Variants in AGMO observed in about 807,000 individuals in gnomAD.
AGMO encodes alkylglycerol monooxygenase.
Under a neutral mutation model 60.2 loss-of-function variants are expected in AGMO, and 75 were observed. The ratio of observed to expected loss-of-function variants is 1.25; its 90% CI spans 1.03 to 1.51. The LOEUF is 1.51. AGMO is among the 40% of genes most tolerant of loss of function. AGMO has a pLI of 0.00. For missense variants in AGMO, 763 were observed against 525.5 expected (o/e 1.45, Z -4.42); for synonymous variants, 261 against 177.1 (o/e 1.47, Z -3.76).
chr7:15,325,841 A>G (rs1277582186), intron 12 of AGMO, among the ~76,000 whole-genome samples: 1 of 152,170 alleles, frequency 6.6e-6, no homozygotes, highest in African/African-American at 2.4e-5. Flanking sequence ...ACATTTTACT[A>G]TAGCAATTTA....
intron 12 of AGMO, among the ~76,000 whole-genome samples, chr7:15,304,355 C>A (rs572942606): frequency 2.1e-4 from 32 of 152,176 alleles, no homozygotes; most frequent in African/African-American, 7.2e-4. Flanking sequence ...GCGTACCCAG[C>A]AAACAGCTGT....
the AGMO span, among the ~76,000 whole-genome samples, chr7:15,160,100 T>C: frequency 6.6e-6 from 1 of 152,172 alleles, no homozygotes; most frequent in South Asian, 2.1e-4. Flanking sequence ...AACATACAGG[T>C]AATCTCATGC....
intron 3 of AGMO, among the ~76,000 whole-genome samples, chr7:15,442,732 T>C (rs143108575): frequency 0.13 from 19,739 of 151,956 alleles, 1,373 homozygotes; most frequent in Non-Finnish European, 0.14. Context: ...CCTGCCTTCA[T>C]GCCCAAATGT....
At chr7:15,216,169 A>G (rs1198169546) in intron 12 of AGMO, among the ~76,000 whole-genome samples, 1 of 152,018 alleles carries the variant, frequency 6.6e-6, no homozygotes, top group Non-Finnish European at 1.5e-5. Context: ...ATCACACTCT[A>G]GTGTATTTAA....
chr7:15,550,023 C>T (rs558240411), intron 2 of AGMO, among the ~76,000 whole-genome samples: 5 of 152,108 alleles, frequency 3.3e-5, no homozygotes, highest in Admixed American at 6.5e-5. Context: ...CACTCAAAAC[C>T]GCTCAACTAC....
At chr7:15,210,649 T>G (rs1563036353) in intron 12 of AGMO, among the ~76,000 whole-genome samples, 1 of 152,104 alleles carries the variant, frequency 6.6e-6, no homozygotes, top group African/African-American at 2.4e-5. Context: ...GGAGTGATAT[T>G]CCTATAACAG....
chr7:15,219,161 T>G (rs1192007018), intron 12 of AGMO, among the ~76,000 whole-genome samples: 1 of 152,176 alleles, frequency 6.6e-6, no homozygotes, highest in Non-Finnish European at 1.5e-5. Flanking sequence ...AGGAAATAAT[T>G]ATTTATAAAA....
At position 15,483,570 on chromosome 7, in the gene AGMO, AAAACAAACAAAC is replaced by A. The variant is rs3076838; in HGVS notation, c.410-52474_410-52463del. ...GGGTGACAGAGCAAGACTCTGTCTC[AAAACAAACAAAC>A]AAACAAACAAACAAACAAAAAACCA... is the stretch of plus-strand genomic sequence containing the variant. On this transcript the variant is annotated intron_variant, in intron 3 of 12. Transcript: ENST00000342526. Among the ~76,000 whole-genome samples the A allele has an allele frequency of 1.0e-3, 154 of 148,888 alleles. 2 individuals carry two copies. Among genetic ancestry groups the A allele is most frequent in the African/African-American group, 3.6e-3 (146 of 41,068 alleles).
rs114496063 is a variant in AGMO, at chr7:15,355,210, A to C, written c.1263+10304T>G. 6.6e-3 allele frequency among the ~76,000 whole-genome samples: 1,008 copies of C among 152,260 alleles called. 11 individuals are homozygous for C. The highest frequency in any genetic ancestry group is 0.022 in the African/African-American group (925 of 41,560). ...ATTAAAACAGTAAATCTTGCTAAAG[A>C]AGCCAATATTGGCTGGGCACGGTGG... is the stretch of plus-strand genomic sequence containing the variant. On this transcript the variant is annotated intron_variant, in intron 12 of 12. Transcript: ENST00000342526.
chr7:15,197,059 T>G (rs1057134670), downstream of AGMO, among the ~76,000 whole-genome samples: 12 of 152,004 alleles, frequency 7.9e-5, no homozygotes, highest in South Asian at 2.1e-4. Flanking sequence ...TGTTGTTGTT[T>G]TTTTTTTCCA....
downstream of AGMO, among the ~76,000 whole-genome samples, chr7:15,197,578 C>A (rs933231410): frequency 2.6e-5 from 4 of 152,114 alleles, no homozygotes; most frequent in African/African-American, 9.7e-5. Flanking sequence ...AATGGCATAA[C>A]TAATAGAGCT....
intron 5 of AGMO, among the ~76,000 whole-genome samples, chr7:15,408,361 A>AT (rs1784759050): frequency 6.6e-6 from 1 of 151,892 alleles, no homozygotes; most frequent in South Asian, 2.1e-4. Context: ...CAATTGTTGT[A>AT]TGAAAATATA....
chr7:15,355,052 T>C lies in AGMO; in HGVS notation c.1263+10462A>G, dbSNP rs186323652. Among the ~76,000 whole-genome samples the C allele has an allele frequency of 2.7e-3, 413 of 152,170 alleles. 3 individuals carry two copies. Among genetic ancestry groups the C allele is most frequent in the Non-Finnish European group, 3.8e-3 (259 of 68,014 alleles). ...GAGAAGATTCCTGCACTCACTAACATAGTACCATGGACATAGATTTTCCAA... is the reference window on the plus strand; with the variant it reads ...GAGAAGATTCCTGCACTCACTAACACAGTACCATGGACATAGATTTTCCAA... On this transcript the variant is annotated intron_variant, in intron 12 of 12. Coordinates refer to ENST00000342526, the MANE Select transcript of AGMO (RefSeq NM_001004320.2).
chr7:15,285,021 T>A (rs1563069728), intron 12 of AGMO, among the ~76,000 whole-genome samples: 1 of 151,126 alleles, frequency 6.6e-6, no homozygotes, highest in Admixed American at 6.6e-5. Context: ...TTTGATAAAA[T>A]CTAGCATCAC....
chr7:15,496,018 T>C (rs1369113273), intron 3 of AGMO, among the ~76,000 whole-genome samples: 1 of 152,106 alleles, frequency 6.6e-6, no homozygotes, highest in Non-Finnish European at 1.5e-5. Flanking sequence ...CTTCCACACG[T>C]GAATTTTGGG....
the AGMO span, among the ~76,000 whole-genome samples, chr7:15,118,876 A>ATTTTTTTTTTTTTTT: frequency 2.4e-5 from 2 of 81,732 alleles, no homozygotes; most frequent in East Asian, 5.4e-4. Context: ...AGACGTCAGT[A>ATTTTTTTTTTTTTTT]TTTTTTTTTT....
intron 10 of AGMO, among the ~76,000 whole-genome samples, chr7:15,371,461 G>C (rs1783211244): frequency 6.6e-6 from 1 of 151,836 alleles, no homozygotes; most frequent in African/African-American, 2.4e-5. Context: ...CGCCATCTCG[G>C]CTCACTGCAA....
intron 3 of AGMO, among the ~76,000 whole-genome samples, chr7:15,476,331 A>G (rs960243754): frequency 6.6e-6 from 1 of 152,096 alleles, no homozygotes; most frequent in Non-Finnish European, 1.5e-5. Context: ...CATTCTTGAC[A>G]TTTTACTGAA....
chr7:15,329,245 T>C (rs1360981101), intron 12 of AGMO, among the ~76,000 whole-genome samples: 1 of 152,222 alleles, frequency 6.6e-6, no homozygotes, highest in Non-Finnish European at 1.5e-5. Flanking sequence ...TGTTTCGGTA[T>C]ACTAAATACC....
Sources: allele counts gnomAD v4.1 joint callset (sites outside exome capture counted in the v4.1 genomes callset), GRCh38; gene constraint gnomAD v4.1.1; transcripts MANE v1.5; gene names NCBI Gene and HGNC (gene_info 2026-07-23, HGNC 2026-07-21).